Variants in BCAR3 observed in about 807,000 individuals in gnomAD.
The protein encoded by BCAR3 is BCAR3 adaptor protein, NSP family member.
BCAR3 carries 37 observed loss-of-function variants against 80.1 expected under a neutral mutation model. That is an observed-to-expected ratio of 0.46 (90% CI 0.36 to 0.61). The LOEUF is 0.61. BCAR3 is among the 20% of genes least tolerant of loss of function. The pLI is 0.00. For missense variants in BCAR3, 978 were observed against 1,068.2 expected (o/e 0.92, Z 1.18); for synonymous variants, 389 against 418.9 (o/e 0.93, Z 0.87).
intron 2 of BCAR3, among the ~76,000 whole-genome samples, chr1:93,781,662 G>A (rs889311323): frequency 1.9e-4 from 29 of 152,152 alleles, no homozygotes; most frequent in Non-Finnish European, 5.9e-5. Context: ...TATCTACAAA[G>A]CCCAAGTTCT....
chr1:93,579,788 C>G (rs544464928), intron 7 of BCAR3, among the ~76,000 whole-genome samples: 2 of 152,222 alleles, frequency 1.3e-5, no homozygotes, highest in Non-Finnish European at 2.9e-5. Context: ...GGAGAACCCA[C>G]GCAGGTTCAT....
At chr1:93,620,291 T>C (rs1170153285) in intron 3 of BCAR3, among the ~76,000 whole-genome samples, 2 of 152,372 alleles carry the variant, frequency 1.3e-5, no homozygotes, top group East Asian at 3.9e-4. Flanking sequence ...CATTAAATTC[T>C]AAAACTGCTT....
At chr1:93,564,019 T>C (rs1328370742) in intron 11 of BCAR3, among the ~76,000 whole-genome samples, 3 of 152,000 alleles carry the variant, frequency 2.0e-5, no homozygotes, top group African/African-American at 7.2e-5. Flanking sequence ...TTGTAGCCAT[T>C]CTAGATAGTG....
At chr1:93,595,930 T>C (rs770470584) in intron 3 of BCAR3, among the ~76,000 whole-genome samples, 15 of 152,248 alleles carry the variant, frequency 9.9e-5, no homozygotes, top group Non-Finnish European at 1.5e-4. Flanking sequence ...TTCGCTTTTC[T>C]GCTGCCACGT....
chr1:93,837,918 T>C (rs570955461), intron 2 of BCAR3, among the ~76,000 whole-genome samples: 4 of 152,350 alleles, frequency 2.6e-5, no homozygotes, highest in African/African-American at 9.6e-5. Flanking sequence ...GAAGAATTAA[T>C]TGATCCATTC....
chr1:93,729,746 G>A (rs921739369), intron 2 of BCAR3, among the ~76,000 whole-genome samples: 1 of 152,194 alleles, frequency 6.6e-6, no homozygotes, highest in Non-Finnish European at 1.5e-5. Flanking sequence ...CAACGTCTGG[G>A]ATGTCCTGGC....
At chr1:93,766,195 T>C (rs925226214) in intron 2 of BCAR3, among the ~76,000 whole-genome samples, 1 of 152,188 alleles carries the variant, frequency 6.6e-6, no homozygotes, top group African/African-American at 2.4e-5. Flanking sequence ...GATAGTCAGT[T>C]TACAGAACAA....
intron 5 of BCAR3, 41 bp downstream of exon 5, chr1:93,588,936 C>T (rs369384771): frequency 5.4e-5 from 81 of 1,502,494 alleles, no homozygotes; most frequent in Non-Finnish European, 6.9e-5. Flanking sequence ...CTTGGGCACC[C>T]CGGCGCCCCT....
At chr1:93,700,043 A>G (rs908949267) in intron 3 of BCAR3, among the ~76,000 whole-genome samples, 1 of 152,122 alleles carries the variant, frequency 6.6e-6, no homozygotes, top group African/African-American at 2.4e-5. Flanking sequence ...TCAAGGGCAG[A>G]GCTAGTCAAG....
intron 3 of BCAR3, chr1:93,613,838 C>A: frequency 6.5e-7 from 1 of 1,550,270 alleles, no homozygotes. Context: ...ATTTCCAAAC[C>A]AAACCTACCT....
intron 2 of BCAR3, among the ~76,000 whole-genome samples, chr1:93,647,980 G>A (rs1271152612): frequency 2.6e-5 from 4 of 151,982 alleles, no homozygotes. Flanking sequence ...CACCATGTTG[G>A]CCAGGCTGGT....
chr1:93,592,034 G>A lies in BCAR3; in HGVS notation c.486+231C>T, dbSNP rs931789356. Among the ~76,000 whole-genome samples, 1 of 152,254 alleles carries A rather than the reference G, an allele frequency of 6.6e-6. No individual in the cohort carries two copies. The highest frequency in any genetic ancestry group is 1.5e-5 in the Non-Finnish European group (1 of 68,042). ...TGTGCTTGCAGACCCCAGGAGCGCTGGCTGTCCCTTCACTTCCTGAACATG... is the reference window on the plus strand; with the variant it reads ...TGTGCTTGCAGACCCCAGGAGCGCTAGCTGTCCCTTCACTTCCTGAACATG... On this transcript the variant is annotated intron_variant, in intron 4 of 11. Transcript: ENST00000260502. This position sits in a 1 kb window ranked among gnomAD's most constrained non-coding sequence, Gnocchi z 4.8.
At chr1:93,680,377 T>C (rs11164962) in intron 1 of BCAR3, among the ~76,000 whole-genome samples, 45,806 of 152,016 alleles carry the variant, frequency 0.3, 10,469 homozygotes, top group African/African-American at 0.65. Flanking sequence ...CTTTACGTTA[T>C]CCTCAATACC....
At chr1:93,726,212 A>C (rs1650576894) in intron 2 of BCAR3, among the ~76,000 whole-genome samples, 1 of 152,092 alleles carries the variant, frequency 6.6e-6, no homozygotes, top group African/African-American at 2.4e-5. Context: ...CCACAAGTGC[A>C]TACCACCATG....
At chr1:93,680,610 A>T (rs1479993845) in intron 1 of BCAR3, among the ~76,000 whole-genome samples, 1 of 152,258 alleles carries the variant, frequency 6.6e-6, no homozygotes, top group Non-Finnish European at 1.5e-5. Context: ...AGGTCTGTGT[A>T]GCCTTGGGAG....
At chr1:93,741,742 T>G (rs1310874410) in intron 2 of BCAR3, among the ~76,000 whole-genome samples, 4 of 152,102 alleles carry the variant, frequency 2.6e-5, no homozygotes, top group Non-Finnish European at 4.4e-5. Flanking sequence ...CTAATTTTTT[T>G]GTATTATTAG....
At chr1:93,683,351 G>A (rs749924359), upstream of BCAR3, among the ~76,000 whole-genome samples, 9 of 151,962 alleles carry the variant, frequency 5.9e-5, no homozygotes, top group Admixed American at 2.6e-4. Flanking sequence ...CATACTGCTC[G>A]TCAAAATGAA....
At chr1:93,718,352 A>G (rs552895921) in intron 2 of BCAR3, among the ~76,000 whole-genome samples, 9 of 152,344 alleles carry the variant, frequency 5.9e-5, no homozygotes, top group African/African-American at 2.2e-4. Context: ...TAGAATGCGT[A>G]CTAATGCAGC....
At chr1:93,624,231 T>C (rs1675393529) in intron 3 of BCAR3, among the ~76,000 whole-genome samples, 2 of 152,200 alleles carry the variant, frequency 1.3e-5, no homozygotes, top group African/African-American at 4.8e-5. Context: ...GCTTTTCTGC[T>C]ATGTGGAAGG....
Sources: gnomAD v4.1 joint callset for allele counts (sites outside exome capture counted in the v4.1 genomes callset) on GRCh38, gnomAD v4.1.1 for gene constraint, Gnocchi (gnomAD v3.1) non-coding constraint, MANE v1.5 for transcripts, NCBI Gene and HGNC (gene_info 2026-07-23, HGNC 2026-07-21) for gene names.